The following EYS variants were observed in gnomAD, a reference collection of about 807,000 sequenced individuals.
The protein encoded by EYS is EGF-like photoreceptor maintenance factor, also known as protein eyes shut homolog.
Under a neutral mutation model 282.1 loss-of-function variants are expected in EYS, and 250 were observed. The observed-to-expected ratio is 0.89, with a 90% CI of 0.80 to 0.98. The LOEUF is 0.98. EYS is among the 50% of genes least tolerant of loss of function. The pLI, the probability that EYS is intolerant of heterozygous loss-of-function variation, is 0.00. For synonymous variants in EYS, 1,355 were observed against 1,282.9 expected (o/e 1.06, Z -1.20); for missense variants, 4,016 against 3,709.0 (o/e 1.08, Z -2.15).
At position 64,591,036 on chromosome 6, in the gene EYS, A is replaced by G; in HGVS notation, c.4831T>C (p.Phe1611Leu). ...GAQTITSGHS[F>L]SSATEITPSV... ...GGTGTTATTTCAGTAGCAGAAGAAA[A>G]TGAATGCCCAGAAGTGATAGTTTGA... is the stretch of plus-strand genomic sequence containing the variant. The change falls in exon 26 of 43, where the codon TTT becomes CTT. Residue 1611 changes from phenylalanine (F) to leucine (L), a missense_variant. By Grantham distance (22) the Phe-to-Leu change is conservative. Coordinates refer to ENST00000503581, the MANE Select transcript of EYS (RefSeq NM_001142800.2). 1 of 1,551,330 alleles carries G rather than the reference A, an allele frequency of 6.4e-7. No homozygotes were observed. The highest frequency in any genetic ancestry group is 8.7e-7 in the Non-Finnish European group (1 of 1,146,776).
intron 12 of EYS, among the ~76,000 whole-genome samples, chr6:65,290,045 T>C (rs1768480273): frequency 6.6e-6 from 1 of 150,940 alleles, no homozygotes; most frequent in South Asian, 2.1e-4. Flanking sequence ...ATTTAGAAAA[T>C]AGTACAAATA....
chr6:63,947,716 A>T (rs1765440171), intron 35 of EYS, among the ~76,000 whole-genome samples: 1 of 152,224 alleles, frequency 6.6e-6, no homozygotes, highest in South Asian at 2.1e-4. Flanking sequence ...AGCAAGCAGG[A>T]ATATTGTCCT....
intron 5 of EYS, among the ~76,000 whole-genome samples, chr6:65,443,504 T>A (rs1393863259): frequency 6.6e-6 from 1 of 151,730 alleles, no homozygotes; most frequent in East Asian, 1.9e-4. Context: ...TATACTTATA[T>A]GTATAGACAC....
chr6:64,538,851 C>T (rs775035844), intron 26 of EYS, among the ~76,000 whole-genome samples: 3 of 152,086 alleles, frequency 2.0e-5, no homozygotes, highest in Non-Finnish European at 4.4e-5. Flanking sequence ...GATTATAAAA[C>T]AGATCCATTT....
chr6:64,534,008 T>G (rs1327534001), intron 26 of EYS, among the ~76,000 whole-genome samples: 1 of 151,846 alleles, frequency 6.6e-6, no homozygotes, highest in Non-Finnish European at 1.5e-5. Flanking sequence ...ATAAAGTTGT[T>G]GGGGCAGGGG....
At chr6:63,801,751 A>G (rs1353034237) in intron 37 of EYS, among the ~76,000 whole-genome samples, 2 of 152,350 alleles carry the variant, frequency 1.3e-5, no homozygotes, top group African/African-American at 2.4e-5. Flanking sequence ...GTTTGACAGG[A>G]TATTTCCAGA....
At chr6:64,849,483 T>C (rs1765816454) in intron 19 of EYS, among the ~76,000 whole-genome samples, 1 of 152,024 alleles carries the variant, frequency 6.6e-6, no homozygotes, top group Admixed American at 6.6e-5. Context: ...CTTCAGTAGA[T>C]TTCTATTTCT....
chr6:65,107,088 A>G (rs1390847165), intron 12 of EYS, among the ~76,000 whole-genome samples: 1 of 152,062 alleles, frequency 6.6e-6, no homozygotes, highest in African/African-American at 2.4e-5. Flanking sequence ...CTTTCACTCA[A>G]TAGGTAAGGG....
At chr6:65,019,249 T>C (rs114009009) in intron 13 of EYS, among the ~76,000 whole-genome samples, 10 of 152,346 alleles carry the variant, frequency 6.6e-5, no homozygotes, top group Non-Finnish European at 1.0e-4. Context: ...TTATTCTTTT[T>C]ACATTTTTTC....
At chr6:64,311,571 C>A (rs950647034) in intron 29 of EYS, among the ~76,000 whole-genome samples, 3 of 152,132 alleles carry the variant, frequency 2.0e-5, no homozygotes, top group Non-Finnish European at 4.4e-5. Context: ...ACAAAATTCT[C>A]GAGCTCGCTG....
At chr6:64,294,141 G>T (rs1274440427) in intron 30 of EYS, among the ~76,000 whole-genome samples, 4 of 151,962 alleles carry the variant, frequency 2.6e-5, no homozygotes, top group Non-Finnish European at 5.9e-5. Flanking sequence ...TTTACTGTTG[G>T]AAAAAACCTT....
At chr6:64,989,009 A>G (rs1770959461) in intron 14 of EYS, among the ~76,000 whole-genome samples, 2 of 151,510 alleles carry the variant, frequency 1.3e-5, no homozygotes, top group African/African-American at 4.8e-5. Context: ...TAATCATAAT[A>G]AAACATGGTA....
At chr6:64,609,259 A>G (rs552439535) in intron 24 of EYS, among the ~76,000 whole-genome samples, 6 of 152,298 alleles carry the variant, frequency 3.9e-5, no homozygotes, top group African/African-American at 1.4e-4. Flanking sequence ...ATGTTGTGGC[A>G]GTATTATGAG....
At chr6:64,811,024 T>C (rs187811857) in intron 22 of EYS, among the ~76,000 whole-genome samples, 109 of 152,214 alleles carry the variant, frequency 7.2e-4, no homozygotes, top group African/African-American at 2.2e-3. Context: ...AATAATTTTA[T>C]TATGATTTTA....
rs375334394 is a variant in EYS, at chr6:65,016,807, A to G, written c.2138-19104T>C. 3.9e-5 allele frequency among the ~76,000 whole-genome samples: 6 copies of G among 152,310 alleles called. No homozygotes were observed. The East Asian group carries it at 9.6e-4, about 24-fold the overall frequency. ...AAAGATAAGTCCTAATTCTCTTTATATTTTCATAAAACTCATTATTCATAT... is the reference window on the plus strand; with the variant it reads ...AAAGATAAGTCCTAATTCTCTTTATGTTTTCATAAAACTCATTATTCATAT... On this transcript the variant is annotated intron_variant, in intron 13 of 42. Coordinates refer to ENST00000503581, the MANE Select transcript of EYS (RefSeq NM_001142800.2).
intron 12 of EYS, among the ~76,000 whole-genome samples, chr6:65,200,757 T>C (rs557291902): frequency 2.0e-5 from 3 of 148,172 alleles, no homozygotes; most frequent in Non-Finnish European, 3.0e-5. Flanking sequence ...ATTCTAAATA[T>C]TAAAAAATTG....
chr6:65,027,179 T>C (rs1772446920), intron 13 of EYS, among the ~76,000 whole-genome samples: 1 of 152,274 alleles, frequency 6.6e-6, no homozygotes, highest in Middle Eastern at 3.4e-3. Flanking sequence ...TTTTGTACAG[T>C]TATTTTAGCT....
intron 11 of EYS, among the ~76,000 whole-genome samples, chr6:65,296,900 T>C (rs1768682193): frequency 6.6e-6 from 1 of 151,568 alleles, no homozygotes; most frequent in Non-Finnish European, 1.5e-5. Context: ...TTGAGAACTA[T>C]GTTGGCTATC....
chr6:64,936,314 C>T (rs1316433351), intron 15 of EYS, among the ~76,000 whole-genome samples: 1 of 151,372 alleles, frequency 6.6e-6, no homozygotes, highest in East Asian at 1.9e-4. Flanking sequence ...GGTAAAGTGT[C>T]CCATGAAAAA....
Sources: gnomAD v4.1 joint callset for allele counts (sites outside exome capture counted in the v4.1 genomes callset) on GRCh38, gnomAD v4.1.1 for gene constraint, MANE v1.5 for transcripts, NCBI Gene and HGNC (gene_info 2026-07-23, HGNC 2026-07-21) for gene names.